Variants in ROBO2 observed in about 807,000 individuals in gnomAD.
ROBO2 encodes the protein roundabout homolog 2.
Under a neutral mutation model 160.8 loss-of-function variants are expected in ROBO2, and 53 were observed. The observed-to-expected ratio is 0.33, with a 90% CI of 0.26 to 0.41. The LOEUF is 0.41. ROBO2 is among the 10% of genes least tolerant of loss of function. ROBO2 has a pLI of 1.00. For missense variants in ROBO2, 1,577 were observed against 1,722.4 expected (o/e 0.92, Z 1.49); for synonymous variants, 664 against 611.7 (o/e 1.09, Z -1.26).
Position 77,546,447 on chromosome 3 carries a change from G to A in ROBO2, c.1044G>A (p.Gln348=), listed in dbSNP as rs1403065781. The A allele has an allele frequency of 1.1e-5, 17 of 1,613,108 alleles. No homozygotes were observed. Among genetic ancestry groups the A allele is most frequent in the Admixed American group, 6.7e-5 (4 of 59,956 alleles). The change falls in exon 7 of 26, where the codon CAG becomes CAA. Residue 348 remains glutamine, a synonymous_variant. Coordinates refer to ENST00000461745, the Ensembl canonical transcript of ROBO2. ...ACCCACAGCCAGCTGTTTTTTGGCA[G>A]AAAGAAGGCAGCCAGGTGAGTGTGA...
At chr3:77,598,816 A>G (rs138644234) in intron 19 of ROBO2, among the ~76,000 whole-genome samples, 7 of 152,242 alleles carry the variant, frequency 4.6e-5, no homozygotes, top group African/African-American at 1.4e-4. Flanking sequence ...TGCTATGTCG[A>G]CTGATTTTGT....
intron 2 of ROBO2, among the ~76,000 whole-genome samples, chr3:77,218,592 T>C (rs2085299673): frequency 6.6e-6 from 1 of 152,120 alleles, no homozygotes; most frequent in African/African-American, 2.4e-5. Flanking sequence ...CAGGCTGGTC[T>C]TGAACTCTTG....
At chr3:76,957,278 TTC>T (rs2079338714) in intron 2 of ROBO2, among the ~76,000 whole-genome samples, 1 of 152,064 alleles carries the variant, frequency 6.6e-6, no homozygotes, top group Admixed American at 6.6e-5. Flanking sequence ...GTCAATTTAA[TTC>T]TGTTACATAT....
intron 2 of ROBO2, among the ~76,000 whole-genome samples, chr3:76,183,953 T>C (rs1212520490): frequency 6.6e-6 from 1 of 152,174 alleles, no homozygotes; most frequent in East Asian, 1.9e-4. Flanking sequence ...AACTCATTAT[T>C]TCTTGAATAA....
intron 2 of ROBO2, among the ~76,000 whole-genome samples, chr3:76,336,719 A>G (rs2073912778): frequency 6.6e-6 from 1 of 152,194 alleles, no homozygotes; most frequent in Non-Finnish European, 1.5e-5. Flanking sequence ...TTGAGAGTTA[A>G]TGGCTAATTT....
chr3:77,518,404 G>A (rs749051349), intron 5 of ROBO2, among the ~76,000 whole-genome samples: 10 of 151,478 alleles, frequency 6.6e-5, no homozygotes, highest in Non-Finnish European at 1.3e-4. Flanking sequence ...AAGATTCAGC[G>A]AGAAATGAGA....
At chr3:76,984,737 A>C (rs1057489317) in intron 2 of ROBO2, among the ~76,000 whole-genome samples, 1 of 152,204 alleles carries the variant, frequency 6.6e-6, no homozygotes, top group Non-Finnish European at 1.5e-5. Flanking sequence ...AGAATCAAAC[A>C]GTATTAGAAA....
intron 2 of ROBO2, among the ~76,000 whole-genome samples, chr3:76,552,964 T>C (rs761803710): frequency 6.6e-6 from 1 of 152,162 alleles, no homozygotes; most frequent in African/African-American, 2.4e-5. Context: ...AAGAGAAAAC[T>C]TGATTTGAGA....
chr3:76,925,019 TA>T (rs2076889549), intron 2 of ROBO2, among the ~76,000 whole-genome samples: 1 of 151,574 alleles, frequency 6.6e-6, no homozygotes, highest in African/African-American at 2.4e-5. Flanking sequence ...CCATCCCGGC[TA>T]AAACGGTGAA....
chr3:77,644,506 T>C (rs1223815046), intron 24 of ROBO2, among the ~76,000 whole-genome samples, 198 bp from the exon 27 acceptor site: 1 of 152,196 alleles, frequency 6.6e-6, no homozygotes, highest in Non-Finnish European at 1.5e-5. Flanking sequence ...TAATTCTGCT[T>C]TGGTTCCTAT....
rs567373662 is a variant in ROBO2 at position 77,155,584 on chromosome 3, G to A, written c.388+57244G>A. On this transcript the variant is annotated intron_variant, in intron 2 of 25. Transcript: ENST00000461745. ...CATGCAGACTTCTACAGGTTTCTAT[G>A]ATAAATGTGTTGTTTAAGCTGGTAA... Among the ~76,000 whole-genome samples, 105 of 152,142 alleles carry A rather than the reference G, an allele frequency of 6.9e-4. 1 individual carries two copies. The highest frequency in any genetic ancestry group is 2.5e-3 in the African/African-American group (103 of 41,540).
chr3:77,364,236 C>T (rs10779981), intron 2 of ROBO2, among the ~76,000 whole-genome samples: 61,621 of 151,692 alleles, frequency 0.41, 13,245 homozygotes, highest in East Asian at 0.71. Flanking sequence ...AGCTCTGCTC[C>T]CTATCACCAC....
intron 2 of ROBO2, among the ~76,000 whole-genome samples, chr3:76,113,383 A>G (rs1305649616): frequency 6.6e-6 from 1 of 152,068 alleles, no homozygotes; most frequent in Admixed American, 6.6e-5. Context: ...TTATACTGAG[A>G]TTTTCTTGAA....
At chr3:77,331,469 G>A (rs2065955466) in intron 2 of ROBO2, among the ~76,000 whole-genome samples, 1 of 152,108 alleles carries the variant, frequency 6.6e-6, no homozygotes, top group African/African-American at 2.4e-5. Context: ...GCCCCAGAGT[G>A]TTGTATCAGA....
chr3:75,969,357 C>T (rs1392251724), intron 2 of ROBO2, among the ~76,000 whole-genome samples: 4 of 148,598 alleles, frequency 2.7e-5, no homozygotes, highest in Non-Finnish European at 4.5e-5. Context: ...CATACACTAG[C>T]TCTATACTGC....
intron 2 of ROBO2, among the ~76,000 whole-genome samples, chr3:76,962,739 C>G (rs557615468): frequency 6.6e-6 from 1 of 151,778 alleles, no homozygotes; most frequent in East Asian, 1.9e-4. Flanking sequence ...GCCAAGAGTT[C>G]GAGGCTGCAG....
At chr3:76,822,145 T>C (rs2066176678) in intron 2 of ROBO2, among the ~76,000 whole-genome samples, 2 of 152,022 alleles carry the variant, frequency 1.3e-5, no homozygotes, top group Non-Finnish European at 2.9e-5. Flanking sequence ...AATTAAAAAC[T>C]CAAGATTAAT....
chr3:76,770,855 G>A (rs2061860838), intron 2 of ROBO2, among the ~76,000 whole-genome samples: 2 of 151,254 alleles, frequency 1.3e-5, no homozygotes, highest in African/African-American at 4.8e-5. Context: ...CCGGCCATCG[G>A]TGTTGGATCC....
At chr3:77,242,007 C>T (rs2151377533) in intron 2 of ROBO2, among the ~76,000 whole-genome samples, 1 of 152,242 alleles carries the variant, frequency 6.6e-6, no homozygotes, top group Non-Finnish European at 1.5e-5. Context: ...AGACATTTTG[C>T]TAATATGCGG....
Sources: allele counts gnomAD v4.1 joint callset (sites outside exome capture counted in the v4.1 genomes callset), GRCh38; gene constraint gnomAD v4.1.1; transcripts MANE v1.5; gene names NCBI Gene and HGNC (gene_info 2026-07-23, HGNC 2026-07-21).